The following TFIP11 variants were observed in gnomAD, a reference collection of about 807,000 sequenced individuals.
The protein encoded by TFIP11 is tuftelin interacting protein 11.
In TFIP11, 86 loss-of-function variants were observed where a neutral mutation model predicts 96.8. The ratio of observed to expected loss-of-function variants is 0.89; its 90% confidence interval spans 0.75 to 1.06. The LOEUF (loss-of-function observed/expected upper bound fraction) is 1.06. Among genes scored for constraint, TFIP11 ranks in the 50% least tolerant of loss-of-function variants. The pLI, the probability that TFIP11 is intolerant of heterozygous loss-of-function variation, is 0.00. For missense variants in TFIP11, 881 were observed against 1,076.7 expected, an observed-to-expected ratio of 0.82 and a Z score of 2.54; for synonymous variants, 405 against 395.2, an observed-to-expected ratio of 1.02 and a Z score of -0.29.
chr22:26,506,559 A>G, intron 5 of TFIP11, 100 bp from the exon 6 acceptor site: 1 of 1,454,902 alleles, frequency 6.9e-7, no homozygotes, highest in Non-Finnish European at 9.2e-7. Context: ...GTTATACAGC[A>G]CTATGAAAAG....
chr22:26,506,627 C>T, intron 5 of TFIP11, 148 bp downstream of exon 5: 1 of 1,296,420 alleles, frequency 7.7e-7, no homozygotes, highest in Non-Finnish European at 1.1e-6. Flanking sequence ...GACTGCACTA[C>T]ACACTTCACA....
intron 6 of TFIP11, among the ~76,000 whole-genome samples, chr22:26,505,748 T>A (rs1923329233): frequency 9.1e-6 from 1 of 110,388 alleles, no homozygotes; most frequent in South Asian, 3.8e-4. Flanking sequence ...AGGGATGGAG[T>A]CTCGCTCTGT....
intron 13 of TFIP11, chr22:26,494,564 T>C (rs117898810): frequency 4.3e-4 from 305 of 709,860 alleles, no homozygotes; most frequent in East Asian, 3.4e-3. Flanking sequence ...CCCTACCCCA[T>C]AGGGTTGCTG....
chr22:26,492,154 G>A lies in TFIP11; in HGVS notation c.2373C>T (p.Val791=), dbSNP rs149236260. The change falls in exon 15 of 15, where the codon GTC becomes GTT. Residue 791 remains valine, a synonymous_variant. Coordinates refer to ENST00000407690, the MANE Select transcript of TFIP11 (RefSeq NM_012143.4). ...AEEHNIVFMP[V]IGKRHEGKQL... is the part of the protein sequence containing the mutation. ...GCTTCCCTTCGTGTCGCTTCCCAAT[G>A]ACGGGCATGAAGACAATGTTGTGCT... 3.1e-6 allele frequency: 5 copies of A among 1,614,076 alleles called. No individual in the cohort carries two copies. The African/African-American group carries it at 6.7e-5, about 22-fold the overall frequency.
intron 4 of TFIP11, 68 bp from the exon 5 acceptor site, chr22:26,506,996 C>T: frequency 6.4e-7 from 1 of 1,560,506 alleles, no homozygotes; most frequent in East Asian, 2.3e-5. Flanking sequence ...GATCCTTTTG[C>T]AGAAACTACG....
At chr22:26,501,029 G>A (rs1023007312) in intron 8 of TFIP11, among the ~76,000 whole-genome samples, 10 of 151,838 alleles carry the variant, frequency 6.6e-5, no homozygotes, top group African/African-American at 2.2e-4. Context: ...GACTACAGGC[G>A]CCCACCATCA....
intron 8 of TFIP11, among the ~76,000 whole-genome samples, chr22:26,500,925 C>A (rs3788401): frequency 2.7e-5 from 4 of 147,466 alleles, no homozygotes; most frequent in African/African-American, 7.5e-5. Context: ...GCTCTGTCCC[C>A]CAGGCTGGAG....
chr22:26,506,635 A>C, intron 5 of TFIP11, 140 bp downstream of exon 5: 3 of 1,334,142 alleles, frequency 2.2e-6, no homozygotes, highest in Non-Finnish European at 3.1e-6. Flanking sequence ...TACACACTTC[A>C]CAACTCACAG....
At chr22:26,507,844 C>CAG (rs1602226044) in intron 4 of TFIP11, among the ~76,000 whole-genome samples, 1 of 152,128 alleles carries the variant, frequency 6.6e-6, no homozygotes, top group African/African-American at 2.4e-5. Flanking sequence ...ACCCTGGAGC[C>CAG]AGGTACAGCG....
intron 6 of TFIP11, among the ~76,000 whole-genome samples, chr22:26,504,251 G>A (rs187165975): frequency 6.6e-6 from 1 of 152,296 alleles, no homozygotes; most frequent in East Asian, 1.9e-4. Context: ...CCTATCTCCT[G>A]TGTTTAACTT....
In TFIP11 at chr22:26,512,382, A is replaced by T. The variant is rs905494562; in HGVS notation, c.-173+12T>A. On this transcript the variant is annotated intron_variant, in intron 1 of 14. Transcript: ENST00000407690. ...ACTGGCGCTGAGTCCCCTTGTGGCC[A>T]GCCGTGCTCACCTGTCCGAGGGTCC... 6.6e-6 allele frequency: 1 copy of T among 152,250 alleles called. No homozygotes were observed. The highest frequency in any genetic ancestry group is 1.5e-5 in the Non-Finnish European group (1 of 68,090). The allele number at this position is 152,250 out of a possible 1,614,324, so 9.4% of individuals were successfully genotyped here.
chr22:26,501,725 A>C (rs1469906455), intron 8 of TFIP11, among the ~76,000 whole-genome samples, 175 bp downstream of exon 8: 1 of 145,316 alleles, frequency 6.9e-6, no homozygotes, highest in Non-Finnish European at 1.5e-5. Context: ...TGATATTAAT[A>C]CTATGTGAGC....
At chr22:26,501,649 A>G (rs1922798250) in intron 8 of TFIP11, among the ~76,000 whole-genome samples, 1 of 151,238 alleles carries the variant, frequency 6.6e-6, no homozygotes, top group African/African-American at 2.4e-5. Flanking sequence ...AGTGCCGTGA[A>G]GAGTGCCTAG....
In TFIP11 at chr22:26,492,354, G is replaced by A. The variant is rs777697682; in HGVS notation, c.2173C>T (p.Pro725Ser). 6.2e-7 allele frequency: 1 copy of A among 1,614,096 alleles called. No individual in the cohort carries two copies. Among genetic ancestry groups the A allele is most frequent in the African/African-American group, 1.3e-5 (1 of 75,022 alleles). ...TAGGCAATGTTCTCCCGTGCTCCTG[G>A]CTGCATGTAGGCACCTAAGATACAG... is the stretch of plus-strand genomic sequence containing the variant. ...VSSNVGAYMQ[P>S]GARENIAYLT... Residue 725 changes from proline to serine, a missense_variant, in exon 15 of 15, where the codon CCA (proline) becomes TCA (serine). By Grantham distance (74) the Pro-to-Ser change is moderately conservative. Transcript: ENST00000407690.
Position 26,494,142 on chromosome 22 carries a change from C to A in TFIP11, c.2155G>T (p.Val719Phe). The change falls in exon 14 of 15, where the codon GTT becomes TTT. Residue 719 changes from valine (V) to phenylalanine (F), a missense_variant. By Grantham distance (50) the Val-to-Phe change is conservative. Transcript: ENST00000407690. ...DIMNRAVSSN[V>F]GAYMQPGARE... ...CAAAATGGGAATCCTCACTTACCAA[C>A]GTTGGAGGACACCGCCCGGTTCATG... 1.2e-6 allele frequency: 2 copies of A among 1,613,746 alleles called. No homozygotes were observed. Among genetic ancestry groups the A allele is most frequent in the Non-Finnish European group, 1.7e-6 (2 of 1,179,686 alleles).
Position 26,494,319 on chromosome 22 carries a change from A to G in TFIP11, c.1993-15T>C, listed in dbSNP as rs369881723. 1.9e-6 allele frequency: 3 copies of G among 1,614,042 alleles called. No homozygotes were observed. The African/African-American group carries it at 4.0e-5, about 22-fold the overall frequency. On this transcript the variant is annotated splice_polypyrimidine_tract_variant and intron_variant, in intron 13 of 14. Coordinates refer to ENST00000407690, the MANE Select transcript of TFIP11 (RefSeq NM_012143.4). ...GAGCACAGCACCTGCCAAAAAGAAA[A>G]ATTACTTGCATCCATCGTGGCAACA...
chr22:26,506,067 A>C, intron 6 of TFIP11: 1 of 381,872 alleles, frequency 2.6e-6, no homozygotes, highest in Non-Finnish European at 4.6e-6. Context: ...CCTGTTTTCA[A>C]CCTGTTTGCA....
intron 11 of TFIP11, 62 bp from the exon 12 acceptor site, chr22:26,496,378 T>G (rs1312003577): frequency 6.5e-7 from 1 of 1,533,470 alleles, no homozygotes; most frequent in Non-Finnish European, 8.8e-7. Context: ...AACACCCCTG[T>G]GTGGCTAAAG....
At chr22:26,506,036 T>C (rs1436538826) in intron 6 of TFIP11, 1 of 286,650 alleles carries the variant, frequency 3.5e-6, no homozygotes, top group Non-Finnish European at 6.4e-6. Context: ...TTAGAAGCAC[T>C]GGTCAGGACC....
Sources: allele counts gnomAD v4.1 joint callset (sites outside exome capture counted in the v4.1 genomes callset), GRCh38; gene constraint gnomAD v4.1.1; transcripts MANE v1.5; gene names NCBI Gene and HGNC (gene_info 2026-07-23, HGNC 2026-07-21).